The following CDH2 variants were observed in gnomAD, a reference collection of about 807,000 sequenced individuals.
CDH2 encodes cadherin-2.
CDH2 carries 17 observed loss-of-function variants against 92.0 expected under a neutral mutation model. That is an observed-to-expected ratio of 0.18 (90% CI 0.13 to 0.28). CDH2 has a LOEUF of 0.28. CDH2 is among the 10% of genes least tolerant of loss of function. The probability of loss-of-function intolerance (pLI) is 1.00; values close to 1 mark genes in which losing one functional copy is unlikely to be tolerated. For synonymous variants in CDH2, 419 were observed against 415.9 expected (o/e 1.01, Z -0.09); for missense variants, 862 against 1,133.1 (o/e 0.76, Z 3.44).
intron 4 of CDH2, among the ~76,000 whole-genome samples, chr18:28,010,658 T>TA (rs1322060926): frequency 1.3e-5 from 2 of 150,356 alleles, no homozygotes; most frequent in Non-Finnish European, 3.0e-5. Flanking sequence ...AATCCATCAA[T>TA]AAAATCTAGG....
rs138188051 is a variant in CDH2, at chr18:28,095,107, G to A, written c.172+52566C>T. On this transcript the variant is annotated intron_variant, in intron 2 of 15. Coordinates refer to ENST00000269141, the MANE Select transcript of CDH2 (RefSeq NM_001792.5). ...TTTCACACTCTGTCAGTTAACTAGG[G>A]ACTCAAGTTTTTCCTCCTTGTAAAT... 4.0e-3 allele frequency among the ~76,000 whole-genome samples: 605 copies of A among 152,156 alleles called. 7 individuals carry two copies. The highest frequency in any genetic ancestry group is 0.014 in the African/African-American group (586 of 41,506).
chr18:27,958,940 G>A (rs2011326516), intron 15 of CDH2, among the ~76,000 whole-genome samples: 1 of 152,138 alleles, frequency 6.6e-6, no homozygotes, highest in African/African-American at 2.4e-5. Flanking sequence ...TAAGTTTCCT[G>A]AGGCTTTCCC....
chr18:28,063,112 T>C (rs1445930194), intron 2 of CDH2, among the ~76,000 whole-genome samples: 1 of 152,212 alleles, frequency 6.6e-6, no homozygotes, highest in Non-Finnish European at 1.5e-5. Context: ...TCATAAGTCT[T>C]TGTTATGGTG....
At chr18:28,022,376 T>C (rs1371593784) in intron 2 of CDH2, among the ~76,000 whole-genome samples, 1 of 152,078 alleles carries the variant, frequency 6.6e-6, no homozygotes, top group Non-Finnish European at 1.5e-5. Flanking sequence ...TTAGGGAATA[T>C]ATAAACTAAT....
At chr18:27,964,661 T>C (rs1189992972) in intron 14 of CDH2, among the ~76,000 whole-genome samples, 1 of 152,238 alleles carries the variant, frequency 6.6e-6, no homozygotes, top group Non-Finnish European at 1.5e-5. Context: ...ATGGTCTAGG[T>C]GTCTTACATA....
chr18:28,138,651 T>A (rs58716005), intron 2 of CDH2, among the ~76,000 whole-genome samples: 40,973 of 151,918 alleles, frequency 0.27, 5,654 homozygotes, highest in Middle Eastern at 0.37. Context: ...AAGTTCCTAC[T>A]ACAGGGATTT....
At chr18:27,995,816 T>C (rs753570444) in intron 7 of CDH2, among the ~76,000 whole-genome samples, 3 of 151,700 alleles carry the variant, frequency 2.0e-5, no homozygotes, top group African/African-American at 7.2e-5. Context: ...AAAAAAAAAA[T>C]TCCACTTGGT....
intron 2 of CDH2, among the ~76,000 whole-genome samples, chr18:28,078,541 A>G (rs1294374171): frequency 6.6e-6 from 1 of 151,884 alleles, no homozygotes; most frequent in African/African-American, 2.4e-5. Flanking sequence ...CAAAGTACCA[A>G]CTCCTAACAG....
At chr18:28,025,678 T>C (rs12971156) in intron 2 of CDH2, among the ~76,000 whole-genome samples, 29,739 of 151,536 alleles carry the variant, frequency 0.2, 3,372 homozygotes, top group Non-Finnish European at 0.25. Context: ...TACATGTACA[T>C]GTACTACAGT....
At chr18:28,022,378 T>C (rs2013435711) in intron 2 of CDH2, among the ~76,000 whole-genome samples, 1 of 152,086 alleles carries the variant, frequency 6.6e-6, no homozygotes, top group South Asian at 2.1e-4. Context: ...AGGGAATATA[T>C]AAACTAATAT....
chr18:28,147,575 A>G (rs1312559517), intron 2 of CDH2, 98 bp downstream of exon 2: 3 of 655,766 alleles, frequency 4.6e-6, no homozygotes, highest in African/African-American at 1.8e-5. Flanking sequence ...AAAAATTCAT[A>G]CTTGTTATAC....
chr18:27,948,629 C>T (rs17493021), downstream of CDH2, among the ~76,000 whole-genome samples: 737 of 151,848 alleles, frequency 4.9e-3, 4 homozygotes, highest in African/African-American at 0.016. Flanking sequence ...AAATAAAATA[C>T]GTAATTCAAA....
intron 2 of CDH2, among the ~76,000 whole-genome samples, chr18:28,119,140 A>C (rs2144268147): frequency 6.6e-6 from 1 of 152,276 alleles, no homozygotes; most frequent in Admixed American, 6.5e-5. Flanking sequence ...AATGGTGCAA[A>C]GAAGACTCTT....
chr18:27,971,233 C>T (rs1290715581), intron 14 of CDH2, among the ~76,000 whole-genome samples: 2 of 125,612 alleles, frequency 1.6e-5, no homozygotes, highest in African/African-American at 2.7e-5. Flanking sequence ...GAGACTCCAT[C>T]TCAAAAAAAA....
chr18:28,022,079 T>C (rs1187676433), intron 2 of CDH2, among the ~76,000 whole-genome samples: 3 of 152,024 alleles, frequency 2.0e-5, no homozygotes, highest in African/African-American at 7.2e-5. Context: ...TACATATATA[T>C]TCCAATGGAG....
chr18:28,002,878 G>A (rs1349436551), intron 7 of CDH2, 119 bp downstream of exon 7: 7 of 935,272 alleles, frequency 7.5e-6, no homozygotes, highest in African/African-American at 1.6e-5. Flanking sequence ...TAATGAAAAC[G>A]ATTAGCATTT....
At chr18:28,155,667 CAG>C (rs2016197764) in intron 1 of CDH2, among the ~76,000 whole-genome samples, 1 of 152,132 alleles carries the variant, frequency 6.6e-6, no homozygotes, top group Non-Finnish European at 1.5e-5. Context: ...CGAACATAAA[CAG>C]TTAATGAAGA....
chr18:27,968,213 C>T (rs1036884456), intron 14 of CDH2, among the ~76,000 whole-genome samples: 2 of 152,178 alleles, frequency 1.3e-5, no homozygotes, highest in African/African-American at 4.8e-5. Context: ...TGTTATTGTT[C>T]CCACTCTATT....
At chr18:28,127,182 T>G (rs1287423119) in intron 2 of CDH2, among the ~76,000 whole-genome samples, 1 of 152,268 alleles carries the variant, frequency 6.6e-6, no homozygotes. Context: ...GTGTTATTTA[T>G]GAAATCACTT....
Sources: gnomAD v4.1 joint callset for allele counts (sites outside exome capture counted in the v4.1 genomes callset) on GRCh38, gnomAD v4.1.1 for gene constraint, MANE v1.5 for transcripts, NCBI Gene and HGNC (gene_info 2026-07-23, HGNC 2026-07-21) for gene names.